The following BCAR3 variants were observed in gnomAD, a reference collection of about 807,000 sequenced individuals.
The protein encoded by BCAR3 is breast cancer anti-estrogen resistance protein 3.
A neutral mutation model predicts 80.1 loss-of-function variants in BCAR3; 37 were observed. The ratio of observed to expected loss-of-function variants is 0.46; its 90% confidence interval spans 0.36 to 0.61. The LOEUF (loss-of-function observed/expected upper bound fraction) is 0.61, where lower values mean the gene tolerates loss of function less well. Among genes scored for constraint, BCAR3 ranks in the 20% least tolerant of loss-of-function variants. The pLI, the probability that BCAR3 is intolerant of heterozygous loss-of-function variation, is 0.00. For synonymous variants in BCAR3, 389 were observed against 418.9 expected (o/e 0.93, Z 0.87); for missense variants, 978 against 1,068.2 (o/e 0.92, Z 1.18).
At chr1:93,613,828 A>C (rs1004830265) in intron 3 of BCAR3, 2 of 1,549,984 alleles carry the variant, frequency 1.3e-6, no homozygotes, top group African/African-American at 2.7e-5. Context: ...GATGTACTTT[A>C]TTTCCAAACC....
At chr1:93,728,854 G>A (rs571700019) in intron 2 of BCAR3, among the ~76,000 whole-genome samples, 6 of 152,190 alleles carry the variant, frequency 3.9e-5, no homozygotes, top group South Asian at 4.2e-4. Context: ...GGATGGGGGC[G>A]CGGCAGGCCA....
At chr1:93,838,040 CGCTTG>C (rs1654832263) in intron 2 of BCAR3, among the ~76,000 whole-genome samples, 1 of 152,332 alleles carries the variant, frequency 6.6e-6, no homozygotes, top group South Asian at 2.1e-4. Context: ...AAATGACAAA[CGCTTG>C]GCCAGCAAGT....
chr1:93,834,971 TG>T (rs1225644305), intron 2 of BCAR3, among the ~76,000 whole-genome samples: 5 of 152,338 alleles, frequency 3.3e-5, no homozygotes, highest in African/African-American at 1.2e-4. Flanking sequence ...GGTTTATCGA[TG>T]GCGGTTCCAC....
At chr1:93,673,127 A>T (rs940690868) in intron 2 of BCAR3, among the ~76,000 whole-genome samples, 1 of 152,086 alleles carries the variant, frequency 6.6e-6, no homozygotes, top group Non-Finnish European at 1.5e-5. Flanking sequence ...CCTACCAAAA[A>T]CGTACCACCT....
At chr1:93,725,365 A>G (rs1021609659) in intron 2 of BCAR3, among the ~76,000 whole-genome samples, 1 of 152,250 alleles carries the variant, frequency 6.6e-6, no homozygotes, top group Non-Finnish European at 1.5e-5. Flanking sequence ...AAAATGGCCC[A>G]GCCTGCCTGT....
chr1:93,664,189 G>A (rs558306037), intron 2 of BCAR3, among the ~76,000 whole-genome samples: 40 of 152,196 alleles, frequency 2.6e-4, no homozygotes, highest in African/African-American at 8.9e-4. Flanking sequence ...GCAGGATCTC[G>A]GCTCACTGCA....
At chr1:93,701,047 A>G (rs1649623674) in intron 3 of BCAR3, among the ~76,000 whole-genome samples, 1 of 152,186 alleles carries the variant, frequency 6.6e-6, no homozygotes, top group South Asian at 2.1e-4. Flanking sequence ...TGCTGCTTGA[A>G]GCTGTGTGAC....
At chr1:93,846,799 C>T (rs754768370) in intron 1 of BCAR3, 2 of 458,380 alleles carry the variant, frequency 4.4e-6, no homozygotes, top group Non-Finnish European at 9.0e-6. Context: ...GTGCTGGCGG[C>T]AAGACGAGCT....
intron 2 of BCAR3, among the ~76,000 whole-genome samples, chr1:93,843,637 T>C (rs1655041958): frequency 6.6e-6 from 1 of 152,234 alleles, no homozygotes; most frequent in Admixed American, 6.5e-5. Context: ...TTTTTAGGTA[T>C]GTTTTATTAG....
At position 93,592,411 on chromosome 1, in the gene BCAR3, C is replaced by T. The variant is rs570197402; in HGVS notation, c.358-18G>A. 2,160 of 1,581,300 alleles carry T rather than the reference C, an allele frequency of 1.4e-3. 50 individuals are homozygous for T. In the South Asian group the frequency reaches 0.022, roughly 16 times the overall value. ...TTGGAGAACTGCAACACAGAGTCAA[C>T]CATGAGCTCACCCTGCCCAGGCCAC... On this transcript the variant is annotated intron_variant, in intron 3 of 11. Coordinates refer to ENST00000260502, the MANE Select transcript of BCAR3 (RefSeq NM_003567.4). The surrounding 1 kb of genome is among the most constrained non-coding windows in gnomAD (Gnocchi z 4.8).
At chr1:93,691,315 CA>C (rs1649178229) in intron 3 of BCAR3, among the ~76,000 whole-genome samples, 5 of 152,346 alleles carry the variant, frequency 3.3e-5, no homozygotes, top group African/African-American at 1.2e-4. Flanking sequence ...CATTACTTCA[CA>C]GGCTGCTGTT....
intron 4 of BCAR3, 121 bp from the exon 5 acceptor site, chr1:93,589,540 C>T: frequency 1.2e-6 from 1 of 858,570 alleles, no homozygotes; most frequent in Non-Finnish European, 1.8e-6. Flanking sequence ...CTTCTTGGGT[C>T]AGCTCTTTAG....
Position 93,584,014 on chromosome 1 carries a change from A to G in BCAR3, c.1033+4T>C. 6.2e-7 allele frequency: 1 copy of G among 1,613,390 alleles called. No individual in the cohort carries two copies. Among genetic ancestry groups the G allele is most frequent in the Non-Finnish European group, 8.5e-7 (1 of 1,179,494 alleles). ...GTTCTCCCTGAAAATTCCCCGAAAC[A>G]TACCAATCGGCAGGTAGCTCTCTGA... On this transcript the variant is annotated splice_donor_region_variant and intron_variant, in intron 6 of 11. Transcript: ENST00000260502.
Position 93,739,156 on chromosome 1 carries a change from T to C in BCAR3, c.-62-33014A>G, listed in dbSNP as rs372336199. On this transcript the variant is annotated intron_variant, in intron 2 of 13. Coordinates refer to the BCAR3 transcript ENST00000370244. Reference sequence around the variant, plus strand: ...CGGTACAACTGGGAAATAAACTTCCTTTCCCCAGGGAAATTGTCCTCTCTG... The same window carrying C: ...CGGTACAACTGGGAAATAAACTTCCCTTCCCCAGGGAAATTGTCCTCTCTG... Among the ~76,000 whole-genome samples, 40 of 152,320 alleles carry C rather than the reference T, an allele frequency of 2.6e-4. 3 individuals are homozygous for C. The highest frequency in any genetic ancestry group is 1.2e-3 in the Admixed American group (19 of 15,304).
intron 3 of BCAR3, among the ~76,000 whole-genome samples, chr1:93,616,356 C>T (rs749218100): frequency 7.2e-5 from 11 of 152,170 alleles, no homozygotes; most frequent in Non-Finnish European, 1.5e-5. Context: ...ACTAAAATAA[C>T]GTGTTGTTTT....
At chr1:93,726,052 G>T (rs537227324) in intron 2 of BCAR3, among the ~76,000 whole-genome samples, 2 of 151,822 alleles carry the variant, frequency 1.3e-5, no homozygotes, top group Non-Finnish European at 2.9e-5. Flanking sequence ...TTCTTCAGAG[G>T]TTATTAGCTT....
At chr1:93,704,023 A>T (rs1649741813) in intron 3 of BCAR3, among the ~76,000 whole-genome samples, 1 of 152,258 alleles carries the variant, frequency 6.6e-6, no homozygotes. Context: ...CAGGTGCTGA[A>T]TAGCCAATGT....
intron 2 of BCAR3, among the ~76,000 whole-genome samples, chr1:93,645,523 A>G (rs935754416): frequency 2.6e-5 from 4 of 151,252 alleles, no homozygotes; most frequent in Non-Finnish European, 5.9e-5. Context: ...ATCTGCTGTT[A>G]CTTTTCCACT....
At chr1:93,756,101 A>G (rs1001981439) in intron 2 of BCAR3, among the ~76,000 whole-genome samples, 2 of 152,222 alleles carry the variant, frequency 1.3e-5, no homozygotes, top group African/African-American at 4.8e-5. Context: ...TGCCAATAGC[A>G]CAGACAAAAT....
Sources: gnomAD v4.1 joint callset for allele counts (sites outside exome capture counted in the v4.1 genomes callset) on GRCh38, gnomAD v4.1.1 for gene constraint, Gnocchi (gnomAD v3.1) non-coding constraint, MANE v1.5 for transcripts, NCBI Gene and HGNC (gene_info 2026-07-23, HGNC 2026-07-21) for gene names.